The following ANKFN1 variants were observed in gnomAD, a reference collection of about 807,000 sequenced individuals.
The protein encoded by ANKFN1 is ankyrin repeat and fibronectin type-III domain-containing protein 1.
In ANKFN1, 74 loss-of-function variants were observed where a neutral mutation model predicts 108.7. The observed-to-expected ratio is 0.68, with a 90% CI of 0.56 to 0.83. ANKFN1 has a LOEUF of 0.83. ANKFN1 is among the 40% of genes least tolerant of loss of function. The pLI, the probability that ANKFN1 is intolerant of heterozygous loss-of-function variation, is 0.00. For synonymous variants in ANKFN1, 547 were observed against 516.2 expected (o/e 1.06, Z -0.81); for missense variants, 1,505 against 1,382.3 (o/e 1.09, Z -1.41).
chr17:56,224,410 C>A (rs2143887248), intron 2 of ANKFN1, among the ~76,000 whole-genome samples: 1 of 152,220 alleles, frequency 6.6e-6, no homozygotes, highest in South Asian at 2.1e-4. Context: ...TCTCAACATT[C>A]ATAATCTTGA....
intron 4 of ANKFN1, among the ~76,000 whole-genome samples, chr17:56,065,601 T>C (rs1163706237): frequency 6.6e-6 from 1 of 152,194 alleles, no homozygotes; most frequent in Non-Finnish European, 1.5e-5. Context: ...GGGTTACTAA[T>C]TGGCCTAATT....
At chr17:56,155,806 G>A (rs1439472080) in intron 1 of ANKFN1, among the ~76,000 whole-genome samples, 1 of 152,128 alleles carries the variant, frequency 6.6e-6, no homozygotes, top group Non-Finnish European at 1.5e-5. Context: ...GGAAGCCATT[G>A]GATAAATTTT....
At chr17:56,273,982 A>G (rs1439816288) in intron 3 of ANKFN1, among the ~76,000 whole-genome samples, 1 of 152,180 alleles carries the variant, frequency 6.6e-6, no homozygotes, top group African/African-American at 2.4e-5. Flanking sequence ...ATTCTCATCA[A>G]TGACAGGTTC....
chr17:56,375,869 T>G (rs1041955341), intron 8 of ANKFN1, among the ~76,000 whole-genome samples: 8 of 152,348 alleles, frequency 5.3e-5, no homozygotes, highest in African/African-American at 1.9e-4. Context: ...GGTATTGTTA[T>G]GATTCCAACT....
rs766685795 is a variant in ANKFN1 at position 56,477,632 on chromosome 17, C to T, written c.1918C>T (p.Arg640Cys). Reference sequence around the variant, plus strand: ...CAACATTCTCTGCCACGTGAAGATCCGTGAAAACAATAATATTTCTAGGTA... The same window carrying T: ...CAACATTCTCTGCCACGTGAAGATCTGTGAAAACAATAATATTTCTAGGTA... ...LPNILCHVKI[R>C]ENNNISREEW... is the part of the protein sequence containing the mutation. Residue 640 changes from arginine to cysteine, a missense_variant, in exon 16 of 21, where the codon CGT becomes TGT. Transcript: ENST00000682825. The T allele has an allele frequency of 1.2e-5, 20 of 1,612,520 alleles. No individual in the cohort carries two copies. Among genetic ancestry groups the T allele is most frequent in the Admixed American group, 1.7e-5 (1 of 59,658 alleles).
At chr17:56,140,583 C>T (rs59878903) in intron 4 of ANKFN1, among the ~76,000 whole-genome samples, 6,692 of 152,134 alleles carry the variant, frequency 0.044, 489 homozygotes, top group African/African-American at 0.15. Context: ...GACTCTGCCA[C>T]CTAGTAGCTG....
chr17:56,277,093 G>T (rs1567880043), intron 3 of ANKFN1, among the ~76,000 whole-genome samples: 1 of 152,166 alleles, frequency 6.6e-6, no homozygotes, highest in South Asian at 2.1e-4. Flanking sequence ...AAATATAGAA[G>T]CCATTCATGC....
chr17:56,193,937 T>C (rs942527318), intron 1 of ANKFN1, among the ~76,000 whole-genome samples: 1 of 152,148 alleles, frequency 6.6e-6, no homozygotes, highest in South Asian at 2.1e-4. Context: ...GAAGAAAACA[T>C]ACAAGTTTAT....
At chr17:56,173,446 A>G (rs1910855368) in intron 1 of ANKFN1, among the ~76,000 whole-genome samples, 1 of 151,814 alleles carries the variant, frequency 6.6e-6, no homozygotes, top group African/African-American at 2.4e-5. Context: ...TGTGCTTCCT[A>G]CGCCTTTGTA....
At chr17:56,355,435 A>G (rs1010987650) in intron 6 of ANKFN1, among the ~76,000 whole-genome samples, 2 of 152,156 alleles carry the variant, frequency 1.3e-5, no homozygotes, top group African/African-American at 4.8e-5. Context: ...AGGAACAAAA[A>G]AAGTCAGTGG....
chr17:56,307,401 T>A (rs1233266858), intron 3 of ANKFN1, among the ~76,000 whole-genome samples: 1 of 151,904 alleles, frequency 6.6e-6, no homozygotes, highest in Non-Finnish European at 1.5e-5. Context: ...AACAACCCCA[T>A]CAAAAAGTGG....
chr17:56,070,744 C>CTTT (rs536452426), intron 4 of ANKFN1, among the ~76,000 whole-genome samples: 11,592 of 128,718 alleles, frequency 0.09, 854 homozygotes, highest in African/African-American at 0.2. Flanking sequence ...GTATTTTTTT[C>CTTT]TTTTTTTTTT....
chr17:56,089,257 T>G (rs1905371008), intron 4 of ANKFN1, among the ~76,000 whole-genome samples: 1 of 151,470 alleles, frequency 6.6e-6, no homozygotes, highest in Admixed American at 6.6e-5. Flanking sequence ...TTTTAATGTC[T>G]GCATAATACT....
intron 3 of ANKFN1, among the ~76,000 whole-genome samples, chr17:56,277,800 A>G (rs1293551416): frequency 2.0e-5 from 3 of 152,230 alleles, no homozygotes; most frequent in African/African-American, 7.2e-5. Flanking sequence ...AGATTTTATC[A>G]AAGCCTGAAA....
At chr17:56,236,035 TTTTTC>T (rs752878229) in intron 3 of ANKFN1, among the ~76,000 whole-genome samples, 9 of 151,934 alleles carry the variant, frequency 5.9e-5, no homozygotes, top group African/African-American at 1.2e-4. Context: ...CTCTGATTTC[TTTTTC>T]TTTTCTTTTC....
intron 1 of ANKFN1, among the ~76,000 whole-genome samples, chr17:56,194,727 T>A (rs567349961): frequency 1.3e-3 from 192 of 152,290 alleles, no homozygotes; most frequent in Non-Finnish European, 2.5e-3. Flanking sequence ...TTAACCCTAA[T>A]GTAAACTGTA....
At chr17:56,073,624 G>A (rs73323700) in intron 4 of ANKFN1, among the ~76,000 whole-genome samples, 15,740 of 152,174 alleles carry the variant, frequency 0.1, 1,325 homozygotes, top group African/African-American at 0.23. Context: ...AAACATTTTT[G>A]TCACTCCAAA....
intron 18 of ANKFN1, among the ~76,000 whole-genome samples, chr17:56,485,489 G>A (rs2050825933): frequency 6.6e-6 from 1 of 152,234 alleles, no homozygotes; most frequent in Non-Finnish European, 1.5e-5. Context: ...GATGAGGTCA[G>A]AGAGTCATGG....
chr17:56,426,169 C>T (rs2048562926), intron 8 of ANKFN1, among the ~76,000 whole-genome samples: 1 of 152,208 alleles, frequency 6.6e-6, no homozygotes, highest in African/African-American at 2.4e-5. Context: ...GTACCTTACT[C>T]CCAAGATTTA....
Sources: allele counts gnomAD v4.1 joint callset (sites outside exome capture counted in the v4.1 genomes callset), GRCh38; gene constraint gnomAD v4.1.1; transcripts MANE v1.5; gene names NCBI Gene and HGNC (gene_info 2026-07-23, HGNC 2026-07-21).